The following ZEB1 variants were observed in gnomAD, a reference collection of about 807,000 sequenced individuals.
The protein encoded by ZEB1 is zinc finger E-box binding homeobox 1, also known as zinc finger E-box-binding homeobox 1.
A neutral mutation model predicts 84.9 loss-of-function variants in ZEB1; 21 were observed. The observed-to-expected ratio is 0.25, with a 90% CI of 0.18 to 0.36. The LOEUF is 0.36. Ranked by LOEUF, ZEB1 falls within the 10% of genes least tolerant of loss-of-function variation. ZEB1 has a pLI of 1.00. For missense variants in ZEB1, 1,104 were observed against 1,330.2 expected (o/e 0.83, Z 2.65); for synonymous variants, 420 against 471.1 (o/e 0.89, Z 1.41).
chr10:31,494,694 A>G (rs185239966), intron 2 of ZEB1, among the ~76,000 whole-genome samples: 41 of 152,178 alleles, frequency 2.7e-4, no homozygotes, highest in African/African-American at 9.4e-4. Flanking sequence ...AGTTAGAAAA[A>G]GAACAGTTTT....
At chr10:31,349,304 C>G (rs2040885547) in intron 1 of ZEB1, among the ~76,000 whole-genome samples, 1 of 152,172 alleles carries the variant, frequency 6.6e-6, no homozygotes, top group Admixed American at 6.6e-5. Context: ...ACTACATTCT[C>G]TCTATCAGTT....
chr10:31,331,020 G>GA (rs1490212485), intron 1 of ZEB1, among the ~76,000 whole-genome samples: 6 of 146,094 alleles, frequency 4.1e-5, no homozygotes, highest in Non-Finnish European at 6.0e-5. Context: ...TGCATTTATA[G>GA]AAAAAGCATT....
intron 2 of ZEB1, among the ~76,000 whole-genome samples, chr10:31,484,873 A>G (rs1266825473): frequency 1.3e-5 from 2 of 152,010 alleles, no homozygotes; most frequent in African/African-American, 4.8e-5. Context: ...TAGAGAAAAA[A>G]TATGGTAATT....
At chr10:31,472,916 A>C (rs879849482) in intron 2 of ZEB1, among the ~76,000 whole-genome samples, 1 of 124,718 alleles carries the variant, frequency 8.0e-6, no homozygotes, top group Non-Finnish European at 1.5e-5. Context: ...ACCCAAATCA[A>C]TAAATGTAAT....
At chr10:31,494,441 A>C (rs2066952810) in intron 2 of ZEB1, among the ~76,000 whole-genome samples, 1 of 152,060 alleles carries the variant, frequency 6.6e-6, no homozygotes, top group African/African-American at 2.4e-5. Flanking sequence ...TGAGTAAAGA[A>C]AATCTGCTGA....
intron 4 of ZEB1, among the ~76,000 whole-genome samples, chr10:31,507,993 A>T (rs557019242): frequency 1.3e-5 from 2 of 152,182 alleles, no homozygotes; most frequent in African/African-American, 4.8e-5. Context: ...TGAGTAGGGC[A>T]CTTTGGCTTT....
At chr10:31,476,493 C>T (rs1241463123) in intron 2 of ZEB1, among the ~76,000 whole-genome samples, 1 of 151,774 alleles carries the variant, frequency 6.6e-6, no homozygotes, top group Non-Finnish European at 1.5e-5. Context: ...AACAAAAAAG[C>T]CCAGGACCAG....
intron 2 of ZEB1, among the ~76,000 whole-genome samples, chr10:31,462,702 A>G (rs559791522): frequency 6.6e-6 from 1 of 152,338 alleles, no homozygotes; most frequent in South Asian, 2.1e-4. Context: ...TTTGTGTACT[A>G]TGTCAAGGAA....
chr10:31,471,072 A>G (rs1471197601), intron 2 of ZEB1, among the ~76,000 whole-genome samples: 1 of 132,002 alleles, frequency 7.6e-6, no homozygotes, highest in African/African-American at 2.9e-5. Flanking sequence ...AGCACTAAAC[A>G]TGGAAAGGAA....
At chr10:31,525,144 G>A (rs1054101470) in intron 8 of ZEB1, among the ~76,000 whole-genome samples, 16 of 152,210 alleles carry the variant, frequency 1.1e-4, no homozygotes, top group Non-Finnish European at 1.9e-4. Context: ...AATAAAATTA[G>A]TTGGAAGACA....
chr10:31,322,443 G>A (rs2034365261), intron 1 of ZEB1, among the ~76,000 whole-genome samples: 1 of 152,188 alleles, frequency 6.6e-6, no homozygotes, highest in African/African-American at 2.4e-5. Flanking sequence ...TTTGAAATAA[G>A]ATACGTGGAT....
intron 7 of ZEB1, 39 bp downstream of exon 7, chr10:31,521,975 T>C: frequency 4.3e-6 from 7 of 1,613,482 alleles, no homozygotes; most frequent in Non-Finnish European, 5.9e-6. Flanking sequence ...GCTAGTAATA[T>C]GCTATTTGAC....
intron 3 of ZEB1, among the ~76,000 whole-genome samples, chr10:31,497,458 C>T (rs1233600823): frequency 6.6e-6 from 1 of 152,108 alleles, no homozygotes; most frequent in Non-Finnish European, 1.5e-5. Context: ...ATCTCCCCCA[C>T]GTACACAATG....
chr10:31,453,915 C>T (rs1322743235), intron 1 of ZEB1, among the ~76,000 whole-genome samples: 1 of 152,054 alleles, frequency 6.6e-6, no homozygotes, highest in Non-Finnish European at 1.5e-5. Flanking sequence ...TTTATGAGGC[C>T]AGCATCATCC....
At chr10:31,401,623 G>T (rs2052020508) in intron 1 of ZEB1, among the ~76,000 whole-genome samples, 1 of 152,082 alleles carries the variant, frequency 6.6e-6, no homozygotes, top group African/African-American at 2.4e-5. Context: ...TTCTCTTTAT[G>T]CTCATGTAGT....
chr10:31,415,494 A>G (rs1407072084), intron 1 of ZEB1, among the ~76,000 whole-genome samples: 1 of 151,992 alleles, frequency 6.6e-6, no homozygotes, highest in Non-Finnish European at 1.5e-5. Context: ...AATTTTTCTC[A>G]AGTAAAAGAT....
At chr10:31,321,730 A>G (rs1394646346) in intron 1 of ZEB1, 5 of 718,078 alleles carry the variant, frequency 7.0e-6, no homozygotes, top group Non-Finnish European at 9.6e-6. Context: ...TGTGATATGA[A>G]TATTACACTC....
At chr10:31,477,951 G>A (rs987596013) in intron 2 of ZEB1, among the ~76,000 whole-genome samples, 1 of 151,922 alleles carries the variant, frequency 6.6e-6, no homozygotes, top group South Asian at 2.1e-4. Flanking sequence ...CATTGGCTTA[G>A]GCAAAGAATT....
At chr10:31,413,687 T>G (rs1441910320) in intron 1 of ZEB1, among the ~76,000 whole-genome samples, 1 of 151,990 alleles carries the variant, frequency 6.6e-6, no homozygotes, top group Non-Finnish European at 1.5e-5. Context: ...GCAAAAAGTT[T>G]GAAAGAGAAA....
Sources: gnomAD v4.1 joint callset for allele counts (sites outside exome capture counted in the v4.1 genomes callset) on GRCh38, gnomAD v4.1.1 for gene constraint, MANE v1.5 for transcripts, NCBI Gene and HGNC (gene_info 2026-07-23, HGNC 2026-07-21) for gene names.